Variants in MYT1L observed in about 807,000 individuals in gnomAD.
The protein encoded by MYT1L is myelin transcription factor 1-like protein.
A neutral mutation model predicts 126.7 loss-of-function variants in MYT1L; 12 were observed. The ratio of observed to expected loss-of-function variants is 0.09; its 90% CI spans 0.06 to 0.15. The LOEUF is 0.15. Ranked by LOEUF, MYT1L falls within the 10% of genes least tolerant of loss-of-function variation. The probability of loss-of-function intolerance (pLI) is 1.00; values close to 1 mark genes in which losing one functional copy is unlikely to be tolerated. For synonymous variants in MYT1L, 541 were observed against 604.2 expected (o/e 0.90, Z 1.53); for missense variants, 979 against 1,585.2 (o/e 0.62, Z 6.49).
intron 8 of MYT1L, among the ~76,000 whole-genome samples, chr2:1,948,236 C>T (rs565607280): frequency 9.8e-5 from 15 of 152,308 alleles, no homozygotes; most frequent in Admixed American, 4.6e-4. Flanking sequence ...AATCATCTGG[C>T]GTCAAACTTC....
intron 2 of MYT1L, among the ~76,000 whole-genome samples, chr2:2,264,333 T>C (rs1439402487): frequency 6.6e-6 from 1 of 152,126 alleles, no homozygotes; most frequent in Non-Finnish European, 1.5e-5. Context: ...TTTCTTTATT[T>C]GTGCGTATAC....
chr2:2,196,737 A>G (rs2092816124), intron 2 of MYT1L, among the ~76,000 whole-genome samples: 1 of 152,004 alleles, frequency 6.6e-6, no homozygotes, highest in Non-Finnish European at 1.5e-5. Context: ...TATCACTATC[A>G]AAGTTATAGA....
chr2:2,105,488 CTCTT>C (rs1238335401), intron 3 of MYT1L, among the ~76,000 whole-genome samples: 2 of 152,226 alleles, frequency 1.3e-5, no homozygotes, highest in Admixed American at 6.5e-5. Flanking sequence ...TGTTTTTCTC[CTCTT>C]TATTTCTGCT....
chr2:2,285,152 A>G (rs562793479), intron 1 of MYT1L, among the ~76,000 whole-genome samples: 1 of 152,230 alleles, frequency 6.6e-6, no homozygotes, highest in Non-Finnish European at 1.5e-5. Context: ...GATGAGCTGG[A>G]GGTGAGCTCC....
At position 1,811,715 on chromosome 2, in the gene MYT1L, A is replaced by C. The variant is rs2036690564; in HGVS notation, c.3081-2548T>G. On this transcript the variant is annotated intron_variant, in intron 21 of 24. Coordinates refer to ENST00000647738, the MANE Select transcript of MYT1L (RefSeq NM_001303052.2). This position sits in a 1 kb window ranked among gnomAD's most constrained non-coding sequence, Gnocchi z 4.4. ...ACACCGGAAATCCCTGTGCTACTCA[A>C]GCTGTCTTTAGTGTGGGGCGTGAAC... is the stretch of plus-strand genomic sequence containing the variant. 6.6e-6 allele frequency among the ~76,000 whole-genome samples: 1 copy of C among 151,976 alleles called. No individual in the cohort carries two copies. Among genetic ancestry groups the C allele is most frequent in the African/African-American group, 2.4e-5 (1 of 41,352 alleles).
At chr2:1,851,610 T>G (rs759692600) in intron 19 of MYT1L, 31 bp downstream of exon 19, 2 of 1,603,050 alleles carry the variant, frequency 1.2e-6, no homozygotes, top group Non-Finnish European at 1.7e-6. Context: ...AGAAAGAGCA[T>G]TTTGGAGAGA....
At chr2:2,150,897 A>AGGAGGGAGGGAGGGAGAC (rs977471561) in intron 3 of MYT1L, among the ~76,000 whole-genome samples, 3 of 113,592 alleles carry the variant, frequency 2.6e-5, no homozygotes, top group South Asian at 3.4e-4. Flanking sequence ...AAGGAAGGGA[A>AGGAGGGAGGGAGGGAGAC]GGAGGGAGGG....
At chr2:1,867,739 G>A (rs561140205) in intron 18 of MYT1L, among the ~76,000 whole-genome samples, 4 of 152,228 alleles carry the variant, frequency 2.6e-5, no homozygotes, top group Non-Finnish European at 4.4e-5. Flanking sequence ...AAAGTTTGCC[G>A]ATTAGATATA....
intron 2 of MYT1L, among the ~76,000 whole-genome samples, chr2:2,226,716 G>A (rs2094020084): frequency 6.6e-6 from 1 of 152,096 alleles, no homozygotes; most frequent in Admixed American, 6.6e-5. Flanking sequence ...CCTGCCCTGA[G>A]ACCCAGCCCA....
At chr2:2,303,315 C>T (rs1196038549) in intron 1 of MYT1L, among the ~76,000 whole-genome samples, 4 of 152,272 alleles carry the variant, frequency 2.6e-5, no homozygotes, top group African/African-American at 7.2e-5. Flanking sequence ...TCTTGTCTTC[C>T]GCGGGGGCAC....
intron 18 of MYT1L, among the ~76,000 whole-genome samples, chr2:1,858,999 A>T (rs1250122785): frequency 6.6e-6 from 1 of 152,106 alleles, no homozygotes; most frequent in Non-Finnish European, 1.5e-5. Flanking sequence ...AGTACCAGAT[A>T]CTGCAAGAGT....
chr2:2,164,744 A>G (rs1324071960), intron 3 of MYT1L, among the ~76,000 whole-genome samples: 1 of 152,232 alleles, frequency 6.6e-6, no homozygotes, highest in East Asian at 1.9e-4. Flanking sequence ...CTGTCAACAG[A>G]CGATAGACAT....
chr2:1,830,270 G>A (rs775395593), intron 21 of MYT1L, among the ~76,000 whole-genome samples: 1 of 152,196 alleles, frequency 6.6e-6, no homozygotes, highest in African/African-American at 2.4e-5. Flanking sequence ...CCCCAGGCAG[G>A]AAGTTCTCTT....
chr2:2,280,514 C>T (rs2095432537), intron 2 of MYT1L, among the ~76,000 whole-genome samples: 1 of 152,184 alleles, frequency 6.6e-6, no homozygotes, highest in Non-Finnish European at 1.5e-5. Context: ...TTAAACCGAA[C>T]TAAACTTCTT....
chr2:2,075,851 G>A (rs1451083951), intron 3 of MYT1L, among the ~76,000 whole-genome samples: 14 of 152,214 alleles, frequency 9.2e-5, no homozygotes, highest in Admixed American at 6.5e-5. Flanking sequence ...TTGAGATAAC[G>A]ATGAGTGTGA....
chr2:2,196,545 T>C lies in MYT1L; in HGVS notation c.-420-23557A>G, dbSNP rs989384074. Reference sequence around the variant, plus strand: ...TATATCCATATATCACATTATAATATGTGGTTTATATTATATAACATATAA... The same window carrying C: ...TATATCCATATATCACATTATAATACGTGGTTTATATTATATAACATATAA... On this transcript the variant is annotated intron_variant, in intron 2 of 24. Coordinates refer to ENST00000647738, the MANE Select transcript of MYT1L (RefSeq NM_001303052.2). Among the ~76,000 whole-genome samples the C allele has an allele frequency of 1.8e-4, 27 of 151,388 alleles. 1 individual carries two copies. Among genetic ancestry groups the C allele is most frequent in the African/African-American group, 6.5e-4 (27 of 41,434 alleles).
chr2:1,869,168 C>A (rs1415836553), intron 18 of MYT1L, among the ~76,000 whole-genome samples: 1 of 146,044 alleles, frequency 6.8e-6, no homozygotes, highest in Non-Finnish European at 1.5e-5. Flanking sequence ...TTTCCACGTG[C>A]CACTGTACCT....
At chr2:1,851,171 G>C (rs1438612844) in intron 19 of MYT1L, among the ~76,000 whole-genome samples, 2 of 152,122 alleles carry the variant, frequency 1.3e-5, no homozygotes, top group African/African-American at 4.8e-5. Flanking sequence ...GGGAGAGACA[G>C]TGCCTAGACT....
chr2:2,003,096 C>G (rs891815431), intron 4 of MYT1L, among the ~76,000 whole-genome samples: 1 of 152,098 alleles, frequency 6.6e-6, no homozygotes, highest in Non-Finnish European at 1.5e-5. Context: ...CACGTCAACC[C>G]CACGGTAAGC....
Sources: allele counts gnomAD v4.1 joint callset (sites outside exome capture counted in the v4.1 genomes callset), GRCh38; gene constraint gnomAD v4.1.1; non-coding constraint Gnocchi (gnomAD v3.1); transcripts MANE v1.5; gene names NCBI Gene and HGNC (gene_info 2026-07-23, HGNC 2026-07-21).